Variants in ABCB5 observed in about 807,000 individuals in gnomAD.
ABCB5 encodes ATP-binding cassette sub-family B member 5.
A neutral mutation model predicts 144.2 loss-of-function variants in ABCB5; 155 were observed. The ratio of observed to expected loss-of-function variants is 1.08; its 90% CI spans 0.94 to 1.23. The LOEUF is 1.23. Among genes scored for constraint, ABCB5 ranks in the 50% most tolerant of loss-of-function variants. The pLI is 0.00. For synonymous variants in ABCB5, 610 were observed against 528.6 expected, an observed-to-expected ratio of 1.15 and a Z score of -2.11; for missense variants, 1,830 against 1,520.8, an observed-to-expected ratio of 1.20 and a Z score of -3.38.
chr7:20,679,972 A>G (rs766156533), intron 14 of ABCB5, among the ~76,000 whole-genome samples: 1 of 152,232 alleles, frequency 6.6e-6, no homozygotes, highest in Non-Finnish European at 1.5e-5. Context: ...CAACCTATAA[A>G]TAGTAGGGGG....
intron 11 of ABCB5, among the ~76,000 whole-genome samples, chr7:20,649,806 C>T (rs775565830): frequency 7.2e-5 from 11 of 152,144 alleles, no homozygotes; most frequent in Admixed American, 1.3e-4. Context: ...TAATTTAGTT[C>T]TCTTTACATA....
intron 26 of ABCB5, among the ~76,000 whole-genome samples, chr7:20,750,580 C>T (rs1782891527): frequency 6.6e-6 from 1 of 152,112 alleles, no homozygotes; most frequent in African/African-American, 2.4e-5. Flanking sequence ...ATTACCATTG[C>T]TTCCCCAGAT....
intron 15 of ABCB5, among the ~76,000 whole-genome samples, chr7:20,684,733 G>A (rs1363653382): frequency 8.5e-5 from 13 of 152,186 alleles, no homozygotes; most frequent in Admixed American, 3.3e-4. Flanking sequence ...TGGATAGTCC[G>A]GGGCTGGTTA....
chr7:20,719,227 G>A (rs1396492487), intron 20 of ABCB5, among the ~76,000 whole-genome samples: 4 of 151,854 alleles, frequency 2.6e-5, no homozygotes, highest in Non-Finnish European at 4.4e-5. Flanking sequence ...AGGTAAATAG[G>A]GGCCCTCATT....
At chr7:20,653,633 T>A (rs1210375311) in intron 13 of ABCB5, among the ~76,000 whole-genome samples, 1 of 152,164 alleles carries the variant, frequency 6.6e-6, no homozygotes, top group African/African-American at 2.4e-5. Flanking sequence ...GAATTCTGTC[T>A]GGGAACACTG....
chr7:20,650,279 G>T (rs1784542181), intron 12 of ABCB5, 132 bp downstream of exon 12: 4 of 1,209,228 alleles, frequency 3.3e-6, no homozygotes, highest in Non-Finnish European at 4.4e-6. Context: ...TCTTTCCTTT[G>T]TATCCATTCA....
At position 20,646,479 on chromosome 7, in the gene ABCB5, A is replaced by G. The variant is rs117687664; in HGVS notation, c.981+341A>G. 6.6e-5 allele frequency among the ~76,000 whole-genome samples: 10 copies of G among 152,292 alleles called. No individual in the cohort carries two copies. The East Asian group carries it at 1.9e-3, about 29-fold the overall frequency. On this transcript the variant is annotated intron_variant, in intron 9 of 27. Coordinates refer to ENST00000404938, the MANE Select transcript of ABCB5 (RefSeq NM_001163941.2). ...GACTTTTCCTTTCATCTGGGCTGAG[A>G]TCAGACGGAGTTCTGCATTCACCTT...
At chr7:20,730,374 C>A (rs935671123) in intron 23 of ABCB5, among the ~76,000 whole-genome samples, 3 of 152,084 alleles carry the variant, frequency 2.0e-5, no homozygotes, top group Non-Finnish European at 4.4e-5. Flanking sequence ...CCATGTATGG[C>A]GGTGCATGCC....
intron 27 of ABCB5, 42 bp downstream of exon 27, chr7:20,753,548 T>C (rs1782996874): frequency 4.4e-6 from 7 of 1,576,532 alleles, no homozygotes; most frequent in South Asian, 2.3e-5. Flanking sequence ...ATACCAAATA[T>C]AAGCATCCAA....
chr7:20,628,583 T>C (rs1783961141), intron 3 of ABCB5, 105 bp from the exon 4 acceptor site: 1 of 1,159,088 alleles, frequency 8.6e-7, no homozygotes, highest in African/African-American at 1.5e-5. Flanking sequence ...TATAAAGTCA[T>C]GTTTACTAGG....
At chr7:20,666,988 T>C in intron 14 of ABCB5, 1 of 862,558 alleles carries the variant, frequency 1.2e-6, no homozygotes, top group Non-Finnish European at 1.6e-6. Flanking sequence ...TTTGTTGTTG[T>C]TCACTATGAG....
At chr7:20,693,099 A>G (rs1786288494) in intron 16 of ABCB5, among the ~76,000 whole-genome samples, 1 of 152,160 alleles carries the variant, frequency 6.6e-6, no homozygotes, top group Admixed American at 6.6e-5. Context: ...TGAAACATTT[A>G]CCAAAATAGA....
rs1363721753 is a variant in ABCB5, at chr7:20,756,427, G to A, written c.*803G>A. On this transcript the variant is annotated 3_prime_UTR_variant, in exon 28 of 28. Transcript: ENST00000404938. ...GGAGGCCGAGGAGGGCGGATCACTTGAGGTCAGGAGTTCGAGACCAGCCTG... is the reference window on the plus strand; with the variant it reads ...GGAGGCCGAGGAGGGCGGATCACTTAAGGTCAGGAGTTCGAGACCAGCCTG... 2 of 152,344 alleles carry A rather than the reference G, an allele frequency of 1.3e-5. No homozygotes were observed. Among genetic ancestry groups the A allele is most frequent in the Non-Finnish European group, 2.9e-5 (2 of 68,062 alleles). The allele number at this position is 152,344 out of a possible 1,614,324, so 9.4% of individuals were successfully genotyped here. A position where few individuals can be genotyped will look rare whatever the true frequency, so the allele number is the denominator to read the frequency against.
In ABCB5 at chr7:20,755,892, C is replaced by T; in HGVS notation, c.*268C>T. 2.7e-6 allele frequency: 1 copy of T among 375,980 alleles called. No individual in the cohort carries two copies. Among genetic ancestry groups the T allele is most frequent in the South Asian group, 3.8e-5 (1 of 26,076 alleles). The allele number at this position is 375,980 out of a possible 1,614,324, so 23.3% of individuals were successfully genotyped here. Reference sequence around the variant, plus strand: ...GCACATTTGCTTGTAAAGCAGTTTTCTACAAGGTGAATTTATTTCCCATCA... The same window carrying T: ...GCACATTTGCTTGTAAAGCAGTTTTTTACAAGGTGAATTTATTTCCCATCA... On this transcript the variant is annotated 3_prime_UTR_variant, in exon 28 of 28. Coordinates refer to ENST00000404938, the MANE Select transcript of ABCB5 (RefSeq NM_001163941.2).
chr7:20,621,974 A>G (rs759698685), intron 1 of ABCB5, among the ~76,000 whole-genome samples: 2 of 152,146 alleles, frequency 1.3e-5, no homozygotes, highest in Non-Finnish European at 2.9e-5. Flanking sequence ...CTTTGCTCAT[A>G]CTGTTTCCCA....
At chr7:20,706,433 C>T (rs1786825118) in intron 20 of ABCB5, among the ~76,000 whole-genome samples, 1 of 152,126 alleles carries the variant, frequency 6.6e-6, no homozygotes, top group African/African-American at 2.4e-5. Context: ...CCAAATTATA[C>T]TGAAAGACCC....
chr7:20,666,719 A>C (rs1215380810), intron 14 of ABCB5: 1 of 1,590,322 alleles, frequency 6.3e-7, no homozygotes, highest in Non-Finnish European at 8.6e-7. Flanking sequence ...GAAGTAGGAT[A>C]GGAGATACTA....
At chr7:20,664,500 T>C (rs1011560) in intron 14 of ABCB5, among the ~76,000 whole-genome samples, 17,473 of 152,236 alleles carry the variant, frequency 0.11, 1,033 homozygotes, top group Non-Finnish European at 0.13. Flanking sequence ...TGGATAAGCA[T>C]CTTGGTGATT....
chr7:20,701,043 T>A (rs969237762), intron 19 of ABCB5, among the ~76,000 whole-genome samples: 7 of 152,178 alleles, frequency 4.6e-5, no homozygotes, highest in African/African-American at 1.7e-4. Flanking sequence ...AGTCGGAGGT[T>A]TCCCACGGCA....
Sources: gnomAD v4.1 joint callset for allele counts (sites outside exome capture counted in the v4.1 genomes callset) on GRCh38, gnomAD v4.1.1 for gene constraint, MANE v1.5 for transcripts, NCBI Gene and HGNC (gene_info 2026-07-23, HGNC 2026-07-21) for gene names.